The following ABCB8 variants were observed in gnomAD, a reference collection of about 807,000 sequenced individuals.
ABCB8 encodes the protein ATP binding cassette subfamily B member 8.
In ABCB8, 52 loss-of-function variants were observed where a neutral mutation model predicts 73.0. That is an observed-to-expected ratio of 0.71 (90% confidence interval 0.57 to 0.90). The LOEUF is 0.90. Ranked by LOEUF, ABCB8 falls within the 40% of genes least tolerant of loss-of-function variation. The pLI is 0.00. For synonymous variants in ABCB8, 428 were observed against 423.5 expected (o/e 1.01, Z -0.13); for missense variants, 909 against 974.6 (o/e 0.93, Z 0.90).
At chr7:151,037,125 C>T in intron 9 of ABCB8, 1 of 702,348 alleles carries the variant, frequency 1.4e-6, no homozygotes, top group Non-Finnish European at 2.6e-6. Context: ...CAGCCCCTGG[C>T]ACCCACCATT....
rs531746653 is a variant in ABCB8, at chr7:151,035,649, G to T, written c.834G>T (p.Thr278=). 15 of 1,612,814 alleles carry T rather than the reference G, an allele frequency of 9.3e-6. No individual in the cohort carries two copies. The South Asian group carries it at 1.4e-4, about 15-fold the overall frequency. Residue 278 remains threonine (T), a synonymous_variant, in exon 6 of 16, where the codon ACG becomes ACT. Transcript: ENST00000358849. The stretch of plus-strand genomic sequence containing the variant: ...TGTCCATGCTGTCGACACGCCTCAC[G>T]CTGCTGCTGATGGTGGCCACACCAG... ...VSLSMLSTRL[T]LLLMVATPAL...
chr7:151,035,514 C>G, intron 5 of ABCB8, 67 bp from the exon 6 acceptor site: 2 of 1,515,580 alleles, frequency 1.3e-6, no homozygotes, highest in East Asian at 2.3e-5. Flanking sequence ...GTCAGCTGAC[C>G]CTTGGAAAAG....
rs1796601442 is a variant in ABCB8 at position 151,045,960 on chromosome 7, T to C, written c.*611T>C. On this transcript the variant is annotated 3_prime_UTR_variant, in exon 16 of 16. Coordinates refer to ENST00000358849, the MANE Select transcript of ABCB8 (RefSeq NM_007188.5). ...CTTTCTCCCTGCACAGTGAACACAG[T>C]CCTGATTTCTAGATTTCACCTCCCC... 6.6e-6 allele frequency: 1 copy of C among 152,028 alleles called. No individual in the cohort carries two copies. Among genetic ancestry groups the C allele is most frequent in the Non-Finnish European group, 1.5e-5 (1 of 68,054 alleles). The allele number at this position is 152,028 out of a possible 1,614,324, so 9.4% of individuals were successfully genotyped here. A position where few individuals can be genotyped will look rare whatever the true frequency, so the allele number is the denominator to read the frequency against.
chr7:151,044,096 C>T lies in ABCB8; in HGVS notation c.1891C>T (p.Arg631Trp), dbSNP rs147294765. The T allele has an allele frequency of 3.0e-4, 486 of 1,613,852 alleles. 4 individuals are homozygous for T. The African/African-American group carries it at 5.5e-3, about 18-fold the overall frequency. ...ATSALDAESE[R>W]VVQEALDRAS... Reference sequence around the variant, plus strand: ...CAGCGCGCTGGATGCAGAGTCCGAGCGGGTTGTACAGGAGGCCCTGGACCG... The same window carrying T: ...CAGCGCGCTGGATGCAGAGTCCGAGTGGGTTGTACAGGAGGCCCTGGACCG... The change falls in exon 15 of 16, where the codon CGG (arginine) becomes TGG (tryptophan). Residue 631 changes from arginine (R) to tryptophan (W), a missense_variant. Transcript: ENST00000358849.
intron 11 of ABCB8, 21 bp downstream of exon 11, chr7:151,040,655 G>T: frequency 6.2e-7 from 1 of 1,607,038 alleles, no homozygotes; most frequent in Admixed American, 1.7e-5. Flanking sequence ...GTGAGCAGGC[G>T]TGGGGATGGG....
rs1173693707 is a variant in ABCB8, at chr7:151,045,368, T to G, written c.*19T>G. The G allele has an allele frequency of 1.3e-6, 2 of 1,509,336 alleles. No individual in the cohort carries two copies. Among genetic ancestry groups the G allele is most frequent in the Non-Finnish European group, 1.8e-6 (2 of 1,125,972 alleles). The allele number at this position is 1,509,336 out of a possible 1,614,324, so 93.5% of individuals were successfully genotyped here. ...GTCCTGAGAAGGGCCCCCTGAGGTGTGGTCGCTGCCAAGCATCAGTGTTAG... is the reference window on the plus strand; with the variant it reads ...GTCCTGAGAAGGGCCCCCTGAGGTGGGGTCGCTGCCAAGCATCAGTGTTAG... On this transcript the variant is annotated 3_prime_UTR_variant, in exon 16 of 16. Transcript: ENST00000358849.
Position 151,041,227 on chromosome 7 carries a change from A to T in ABCB8, c.1612A>T (p.Ser538Cys). ...CCGGGGCCAGGTTGTCGGCTTCATC[A>T]GCCAGGTGCGGGGCCACATGGGCAG... ...WLRGQVVGFI[S>C]QEPVLFGTTI... The change falls in exon 13 of 16, where the codon AGC (serine) becomes TGC (cysteine). Residue 538 changes from serine (S) to cysteine (C), a missense_variant. Physicochemically the swap from Ser to Cys is moderately radical, Grantham distance 112 (BLOSUM62 -1). Transcript: ENST00000358849. 1 of 1,600,730 alleles carries T rather than the reference A, an allele frequency of 6.2e-7. No homozygotes were observed. The highest frequency in any genetic ancestry group is 8.5e-7 in the Non-Finnish European group (1 of 1,178,394).
intron 14 of ABCB8, among the ~76,000 whole-genome samples, chr7:151,042,877 C>T (rs911010773): frequency 7.9e-5 from 12 of 152,230 alleles, no homozygotes; most frequent in African/African-American, 2.4e-4. Context: ...CGTGTTGATA[C>T]ACTGTCCAGA....
intron 15 of ABCB8, among the ~76,000 whole-genome samples, chr7:151,044,766 C>CA (rs1006828034): frequency 6.6e-6 from 1 of 152,150 alleles, no homozygotes; most frequent in African/African-American, 2.4e-5. Flanking sequence ...GAAACATACT[C>CA]AGAGTATGGT....
intron 9 of ABCB8, 21 bp from the exon 10 acceptor site, chr7:151,040,247 C>T (rs1796418778): frequency 6.2e-7 from 1 of 1,610,570 alleles, no homozygotes; most frequent in Admixed American, 1.7e-5. Context: ...CTATTCCACC[C>T]CTCTCTCCTT....
rs1584948351 is a variant in ABCB8 at position 151,034,230 on chromosome 7, T to C, written c.409-43T>C. 22 of 1,568,654 alleles carry C rather than the reference T, an allele frequency of 1.4e-5. No homozygotes were observed. In the East Asian group the frequency reaches 4.9e-4, roughly 35 times the overall value. ...CTGGCTGGGGATGGGGAGGAGTGGC[T>C]CCCCCACTTAAAACATTTGTGCCCT... On this transcript the variant is annotated intron_variant, in intron 2 of 15. Coordinates refer to ENST00000358849, the MANE Select transcript of ABCB8 (RefSeq NM_007188.5).
intron 10 of ABCB8, 69 bp downstream of exon 10, chr7:151,040,370 C>A (rs1352850993): frequency 1.9e-6 from 3 of 1,599,378 alleles, no homozygotes; most frequent in Non-Finnish European, 2.6e-6. Flanking sequence ...GTGGGAGCTG[C>A]CTATTGACTG....
At chr7:151,040,398 G>C (rs1023712016) in intron 10 of ABCB8, 97 bp downstream of exon 10, 24 of 1,584,386 alleles carry the variant, frequency 1.5e-5, no homozygotes, top group Non-Finnish European at 1.9e-5. Context: ...GCGGGCAGAG[G>C]AGCTGGGGAG....
chr7:151,033,916 T>G lies in ABCB8; in HGVS notation c.407T>G (p.Val136Gly). Reference sequence around the variant, plus strand: ...CTGCTGGTCCTGGGGGTAGCCGTCGTGGTGAGGCTTTCCCCACTTCTCCAT... The same window carrying G: ...CTGCTGGTCCTGGGGGTAGCCGTCGGGGTGAGGCTTTCCCCACTTCTCCAT... ...PHLLVLGVAV[V>G]LALGAALVNV... Residue 136 changes from valine (V) to glycine (G), a missense_variant and splice_region_variant, in exon 2 of 16, where the codon GTG becomes GGG. Val to Gly is a moderately radical substitution (Grantham distance 109). Transcript: ENST00000358849. 1 of 1,584,840 alleles carries G rather than the reference T, an allele frequency of 6.3e-7. No homozygotes were observed. The highest frequency in any genetic ancestry group is 8.6e-7 in the Non-Finnish European group (1 of 1,164,362).
At position 151,034,330 on chromosome 7, in the gene ABCB8, G is replaced by T. The variant is rs756716622; in HGVS notation, c.466G>T (p.Val156Leu). 35 of 1,613,844 alleles carry T rather than the reference G, an allele frequency of 2.2e-5. No homozygotes were observed. Among genetic ancestry groups the T allele is most frequent in the Non-Finnish European group, 3.0e-5 (35 of 1,179,994 alleles). Residue 156 changes from valine (V) to leucine (L), a missense_variant, in exon 3 of 16, where the codon GTA (valine) becomes TTA (leucine). Coordinates refer to ENST00000358849, the MANE Select transcript of ABCB8 (RefSeq NM_007188.5). ...GATCCCCCTGCTCCTGGGCCAGCTG[G>T]TAGAGGTCGTGGCCAAGTACACAAG... The part of the protein sequence containing the change: ...VQIPLLLGQL[V>L]EVVAKYTRDH...
rs1648597457 is a variant in ABCB8 at position 151,045,418 on chromosome 7, C to T, written c.*69C>T. 7.9e-6 allele frequency: 11 copies of T among 1,391,412 alleles called. No individual in the cohort carries two copies. The highest frequency in any genetic ancestry group is 1.0e-5 in the Non-Finnish European group (11 of 1,067,142). 86.2% of individuals were successfully genotyped at this position (1,391,412 alleles called of 1,614,324 possible). ...GGGCTGGGGCTCAGCCTGGGGGAGC[C>T]TACTGGGGACTGAGCCCCCAGGAGG... On this transcript the variant is annotated 3_prime_UTR_variant, in exon 16 of 16. Transcript: ENST00000358849.
rs893926556 is a variant in ABCB8 at position 151,034,146 on chromosome 7, T to A, written c.409-127T>A. The stretch of plus-strand genomic sequence containing the variant: ...TCTGAGAGGCACTGATGTGTCCACA[T>A]GACCAGCCACAACCTGGACAAGCGC... On this transcript the variant is annotated intron_variant, in intron 2 of 15. Coordinates refer to ENST00000358849, the MANE Select transcript of ABCB8 (RefSeq NM_007188.5). The A allele has an allele frequency of 7.2e-6, 9 of 1,244,850 alleles. No homozygotes were observed. In the Admixed American group the frequency reaches 1.4e-4, roughly 19 times the overall value. The allele number at this position is 1,244,850 out of a possible 1,614,324, so 77.1% of individuals were successfully genotyped here. A position where few individuals can be genotyped will look rare whatever the true frequency, so the allele number is the denominator to read the frequency against.
In ABCB8 at chr7:151,045,932, C is replaced by G. The variant is rs1429741627; in HGVS notation, c.*583C>G. The G allele has an allele frequency of 1.3e-5, 2 of 152,364 alleles. No individual in the cohort carries two copies. The highest frequency in any genetic ancestry group is 2.4e-5 in the African/African-American group (1 of 41,456). The allele number at this position is 152,364 out of a possible 1,614,324, so 9.4% of individuals were successfully genotyped here. A position where few individuals can be genotyped will look rare whatever the true frequency, so the allele number is the denominator to read the frequency against. On this transcript the variant is annotated 3_prime_UTR_variant, in exon 16 of 16. Transcript: ENST00000358849. ...AGTCCCCATCTTCCAAACAACCTCC[C>G]TCCTTTCTCCCTGCACAGTGAACAC...
intron 2 of ABCB8, 51 bp from the exon 3 acceptor site, chr7:151,034,222 G>A: frequency 6.5e-7 from 1 of 1,550,014 alleles, no homozygotes; most frequent in Non-Finnish European, 8.8e-7. Flanking sequence ...GGGATGGGGA[G>A]GAGTGGCTCC....
Sources: gnomAD v4.1 joint callset for allele counts (sites outside exome capture counted in the v4.1 genomes callset) on GRCh38, gnomAD v4.1.1 for gene constraint, MANE v1.5 for transcripts, NCBI Gene and HGNC (gene_info 2026-07-23, HGNC 2026-07-21) for gene names.